The following RBFOX1 variants were observed in gnomAD, a reference collection of about 807,000 sequenced individuals.
RBFOX1 encodes RNA binding protein fox-1 homolog 1.
RBFOX1 carries 8 observed loss-of-function variants against 57.7 expected under a neutral mutation model. The ratio of observed to expected loss-of-function variants is 0.14; its 90% CI spans 0.08 to 0.25. RBFOX1 has a LOEUF of 0.25. RBFOX1 is among the 10% of genes least tolerant of loss of function. The pLI, the probability that RBFOX1 is intolerant of heterozygous loss-of-function variation, is 1.00. For synonymous variants in RBFOX1, 326 were observed against 222.4 expected, an observed-to-expected ratio of 1.47 and a Z score of -4.15; for missense variants, 611 against 548.5, an observed-to-expected ratio of 1.11 and a Z score of -1.14.
At chr16:6,725,980 C>T (rs992553665) in intron 3 of RBFOX1, among the ~76,000 whole-genome samples, 6 of 152,164 alleles carry the variant, frequency 3.9e-5, no homozygotes, top group Non-Finnish European at 5.9e-5. Flanking sequence ...AATAATAACA[C>T]TGGCCCTTTC....
intron 1 of RBFOX1, among the ~76,000 whole-genome samples, chr16:6,151,065 C>T (rs960153762): frequency 1.7e-4 from 26 of 152,110 alleles, no homozygotes; most frequent in Admixed American, 1.3e-4. Context: ...CCTACTAGAA[C>T]GTCAGGTCTG....
At chr16:7,156,169 C>G (rs189417452) in intron 4 of RBFOX1, among the ~76,000 whole-genome samples, 1 of 151,818 alleles carries the variant, frequency 6.6e-6, no homozygotes, top group Non-Finnish European at 1.5e-5. Context: ...TGTGCCTGGC[C>G]GATCCCTCAA....
chr16:7,059,665 C>T (rs1251692497), intron 4 of RBFOX1, among the ~76,000 whole-genome samples: 2 of 152,168 alleles, frequency 1.3e-5, no homozygotes, highest in Non-Finnish European at 2.9e-5. Flanking sequence ...CAGATTAATA[C>T]ATACTGTCCC....
intron 3 of RBFOX1, among the ~76,000 whole-genome samples, chr16:6,891,020 G>A (rs940097624): frequency 6.6e-6 from 1 of 152,110 alleles, no homozygotes; most frequent in African/African-American, 2.4e-5. Flanking sequence ...TGAACGTTTT[G>A]AGGACAGGAG....
intron 2 of RBFOX1, among the ~76,000 whole-genome samples, chr16:6,317,731 A>G (rs554066987): frequency 9.1e-4 from 138 of 152,198 alleles, no homozygotes; most frequent in African/African-American, 3.2e-3. Flanking sequence ...GATATACTCT[A>G]GCATTTGGGG....
chr16:5,596,531 G>T (rs2047189697), intron 2 of RBFOX1, among the ~76,000 whole-genome samples: 1 of 152,264 alleles, frequency 6.6e-6, no homozygotes, highest in African/African-American at 2.4e-5. Flanking sequence ...ATGGAATTGG[G>T]CAAGGTACTG....
At chr16:7,560,509 T>A (rs771079320) in intron 5 of RBFOX1, among the ~76,000 whole-genome samples, 110 of 150,528 alleles carry the variant, frequency 7.3e-4, no homozygotes, top group Non-Finnish European at 1.3e-3. Flanking sequence ...TGGGAACATA[T>A]CTTGCATTTT....
chr16:5,854,132 A>T (rs1459352862), intron 3 of RBFOX1, among the ~76,000 whole-genome samples: 1 of 152,208 alleles, frequency 6.6e-6, no homozygotes, highest in Non-Finnish European at 1.5e-5. Flanking sequence ...GCTTACCACA[A>T]TCAAGCTAAT....
chr16:5,518,183 C>T (rs1012729923), intron 2 of RBFOX1, among the ~76,000 whole-genome samples: 7 of 152,028 alleles, frequency 4.6e-5, no homozygotes, highest in Admixed American at 6.6e-5. Context: ...AAATTAGAAA[C>T]ATTAATTTAA....
chr16:5,770,873 G>C (rs1172876181), intron 3 of RBFOX1, among the ~76,000 whole-genome samples: 5 of 152,148 alleles, frequency 3.3e-5, no homozygotes, highest in African/African-American at 1.2e-4. Flanking sequence ...CTTTTTCTCT[G>C]AGCTGAGTCT....
chr16:7,598,106 T>C lies in RBFOX1; in HGVS notation c.622+675T>C, dbSNP rs185200883. 9.8e-4 allele frequency among the ~76,000 whole-genome samples: 150 copies of C among 152,342 alleles called. 1 individual carries two copies. Among genetic ancestry groups the C allele is most frequent in the African/African-American group, 3.5e-3 (144 of 41,582 alleles). Reference sequence around the variant, plus strand: ...AAAATGTTTGAACATTTTGATTCTTTAATTCCTCTCAAAATAAGTATCTCT... The same window carrying C: ...AAAATGTTTGAACATTTTGATTCTTCAATTCCTCTCAAAATAAGTATCTCT... On this transcript the variant is annotated intron_variant, in intron 9 of 15. Transcript: ENST00000550418.
At chr16:7,310,899 G>A (rs1394342302) in intron 4 of RBFOX1, among the ~76,000 whole-genome samples, 3 of 152,164 alleles carry the variant, frequency 2.0e-5, no homozygotes, top group Admixed American at 1.3e-4. Context: ...AGTCTGTTAC[G>A]TTGTTCATCT....
chr16:5,640,926 T>A (rs566232868), intron 3 of RBFOX1, among the ~76,000 whole-genome samples: 4 of 137,954 alleles, frequency 2.9e-5, no homozygotes, highest in African/African-American at 1.1e-4. Flanking sequence ...CACGTGCACA[T>A]ACACTCATGC....
intron 3 of RBFOX1, among the ~76,000 whole-genome samples, chr16:5,745,921 G>C (rs1047926387): frequency 9.2e-5 from 14 of 152,140 alleles, no homozygotes; most frequent in Non-Finnish European, 1.9e-4. Flanking sequence ...TTCTTTTGCT[G>C]TGCAGAAGCT....
At chr16:5,863,509 G>A (rs138404979) in intron 3 of RBFOX1, among the ~76,000 whole-genome samples, 51 of 152,324 alleles carry the variant, frequency 3.3e-4, no homozygotes, top group African/African-American at 8.9e-4. Flanking sequence ...CTTGCCCAGC[G>A]TGCAGTCCAG....
At chr16:6,642,411 G>A (rs953603653) in intron 2 of RBFOX1, among the ~76,000 whole-genome samples, 2 of 152,006 alleles carry the variant, frequency 1.3e-5, no homozygotes, top group Non-Finnish European at 2.9e-5. Flanking sequence ...CAGACCTTTG[G>A]TTTGAGCTCA....
intron 3 of RBFOX1, among the ~76,000 whole-genome samples, chr16:6,720,276 T>A (rs148002149): frequency 2.0e-5 from 3 of 152,256 alleles, no homozygotes; most frequent in African/African-American, 7.2e-5. Flanking sequence ...TCTTCCCCCT[T>A]CACTCTTTTT....
intron 8 of RBFOX1, 76 bp downstream of exon 8, chr16:7,595,717 A>G (rs2094649318): frequency 1.7e-6 from 2 of 1,202,628 alleles, no homozygotes; most frequent in Non-Finnish European, 2.3e-6. Flanking sequence ...TTCCAGATGC[A>G]TCATTGGCGT....
At chr16:6,511,693 G>A (rs916294089) in intron 2 of RBFOX1, among the ~76,000 whole-genome samples, 3 of 152,194 alleles carry the variant, frequency 2.0e-5, no homozygotes, top group Admixed American at 1.3e-4. Flanking sequence ...ATTAAAGGCT[G>A]TGGTGATAGT....
Sources: gnomAD v4.1 joint callset for allele counts (sites outside exome capture counted in the v4.1 genomes callset) on GRCh38, gnomAD v4.1.1 for gene constraint, MANE v1.5 for transcripts, NCBI Gene and HGNC (gene_info 2026-07-23, HGNC 2026-07-21) for gene names.